PTPRD: variants seen among roughly 807,000 people sequenced by gnomAD.
PTPRD encodes protein tyrosine phosphatase receptor type D.
Under a neutral mutation model 214.5 loss-of-function variants are expected in PTPRD, and 34 were observed. That is an observed-to-expected ratio of 0.16 (90% CI 0.12 to 0.21). The LOEUF (loss-of-function observed/expected upper bound fraction) is 0.21. Ranked by LOEUF, PTPRD falls within the 10% of genes least tolerant of loss-of-function variation. The pLI is 1.00. For missense variants in PTPRD, 2,545 were observed against 2,398.7 expected (o/e 1.06, Z -1.27); for synonymous variants, 1,128 against 845.7 (o/e 1.33, Z -5.79).
intron 10 of PTPRD, among the ~76,000 whole-genome samples, chr9:9,045,554 C>T (rs540170484): frequency 1.3e-5 from 2 of 152,150 alleles, no homozygotes; most frequent in African/African-American, 4.8e-5. Flanking sequence ...GGAGCAAGAA[C>T]AGCCCATGGT....
chr9:8,465,012 T>G (rs1222899856), intron 32 of PTPRD, among the ~76,000 whole-genome samples: 1 of 151,902 alleles, frequency 6.6e-6, no homozygotes, highest in South Asian at 2.1e-4. Flanking sequence ...AAAGTCAGTA[T>G]TTTCAGAAAT....
At chr9:8,875,967 C>T (rs1425654651) in intron 11 of PTPRD, among the ~76,000 whole-genome samples, 1 of 152,160 alleles carries the variant, frequency 6.6e-6, no homozygotes, top group Non-Finnish European at 1.5e-5. Context: ...CTGAATTCAC[C>T]AATCCTGTAG....
chr9:8,457,763 T>G (rs1348950034), intron 33 of PTPRD, among the ~76,000 whole-genome samples: 1 of 152,104 alleles, frequency 6.6e-6, no homozygotes, highest in African/African-American at 2.4e-5. Context: ...AAAGCAGTAT[T>G]TGCATATGGG....
intron 9 of PTPRD, among the ~76,000 whole-genome samples, chr9:9,393,474 G>T (rs1218884935): frequency 2.0e-5 from 3 of 152,108 alleles, no homozygotes; most frequent in African/African-American, 7.2e-5. Context: ...ACATGGAAAA[G>T]AACTGAGACC....
At position 9,914,110 on chromosome 9, in the gene PTPRD, C is replaced by T. The variant is rs1294329337; in HGVS notation, c.-368+24397G>A. Reference sequence around the variant, plus strand: ...ACAGTCCTGCCTTGGGCAAACCCACCCTTGAACTAGCCAAATGCTGCACTC... The same window carrying T: ...ACAGTCCTGCCTTGGGCAAACCCACTCTTGAACTAGCCAAATGCTGCACTC... On this transcript the variant is annotated intron_variant, in intron 5 of 45. Coordinates refer to ENST00000381196, the MANE Select transcript of PTPRD (RefSeq NM_002839.4). Among the ~76,000 whole-genome samples the T allele has an allele frequency of 4.6e-5, 7 of 152,124 alleles. No homozygotes were observed. In the East Asian group the frequency reaches 1.4e-3, roughly 29 times the overall value.
intron 11 of PTPRD, among the ~76,000 whole-genome samples, chr9:8,993,325 G>C (rs2099384819): frequency 6.6e-6 from 1 of 151,914 alleles, no homozygotes; most frequent in African/African-American, 2.4e-5. Flanking sequence ...CTGTTGTTTT[G>C]GAAATTTAAA....
intron 45 of PTPRD, among the ~76,000 whole-genome samples, chr9:8,319,177 A>G (rs1053239029): frequency 2.6e-5 from 4 of 152,120 alleles, no homozygotes; most frequent in Admixed American, 2.0e-4. Flanking sequence ...ATTGAGGAAC[A>G]CATATAAGTT....
At chr9:10,077,423 T>C (rs1370072469) in intron 3 of PTPRD, among the ~76,000 whole-genome samples, 2 of 152,178 alleles carry the variant, frequency 1.3e-5, no homozygotes, top group African/African-American at 4.8e-5. Context: ...AATTTACCTC[T>C]AGAGATTCTA....
At chr9:9,170,613 A>AT (rs1264214887) in intron 10 of PTPRD, among the ~76,000 whole-genome samples, 1 of 152,210 alleles carries the variant, frequency 6.6e-6, no homozygotes, top group Non-Finnish European at 1.5e-5. Flanking sequence ...CCAAAGGCTA[A>AT]TTTTCAATGG....
intron 3 of PTPRD, among the ~76,000 whole-genome samples, chr9:10,194,610 T>C (rs151071346): frequency 1.8e-4 from 27 of 152,160 alleles, no homozygotes; most frequent in Non-Finnish European, 3.5e-4. Context: ...CCATATCACA[T>C]ATGCTAATAG....
intron 5 of PTPRD, among the ~76,000 whole-genome samples, chr9:9,776,621 C>T (rs1313246866): frequency 2.0e-5 from 3 of 152,100 alleles, no homozygotes; most frequent in Non-Finnish European, 4.4e-5. Flanking sequence ...GATCTACTCC[C>T]TTCTAGCTAA....
Position 9,275,946 on chromosome 9 carries a change from T to G in PTPRD, c.-202-92583A>C, listed in dbSNP as rs368980107. Among the ~76,000 whole-genome samples, 5 of 151,372 alleles carry G rather than the reference T, an allele frequency of 3.3e-5. No homozygotes were observed. In the East Asian group the frequency reaches 7.9e-4, roughly 24 times the overall value. ...AGCTGTGTAAACCAACCGTGCCTTA[T>G]GCTCTAGGGGAAGAAAAGAAATGGA... is the stretch of plus-strand genomic sequence containing the variant. On this transcript the variant is annotated intron_variant, in intron 9 of 45. Transcript: ENST00000381196.
chr9:8,447,793 C>G (rs1452921835), intron 34 of PTPRD, among the ~76,000 whole-genome samples: 2 of 152,058 alleles, frequency 1.3e-5, no homozygotes, highest in Non-Finnish European at 2.9e-5. Flanking sequence ...AAGGTTGGTT[C>G]CAGCACAAAT....
At chr9:10,386,227 C>T (rs2097912100) in intron 2 of PTPRD, among the ~76,000 whole-genome samples, 2 of 151,840 alleles carry the variant, frequency 1.3e-5, no homozygotes, top group Non-Finnish European at 2.9e-5. Flanking sequence ...GAACCACCAA[C>T]ACACACGTAC....
chr9:9,823,009 C>G (rs1159050699), intron 5 of PTPRD, among the ~76,000 whole-genome samples: 1 of 152,082 alleles, frequency 6.6e-6, no homozygotes, highest in African/African-American at 2.4e-5. Flanking sequence ...GAAGAGGTTT[C>G]TACACTCTCC....
intron 12 of PTPRD, among the ~76,000 whole-genome samples, chr9:8,646,174 C>T (rs1013436421): frequency 6.6e-6 from 1 of 152,102 alleles, no homozygotes. Flanking sequence ...CAACATGCAA[C>T]CAGGATTGAG....
At chr9:9,975,528 T>C (rs1313563414) in intron 4 of PTPRD, among the ~76,000 whole-genome samples, 3 of 152,336 alleles carry the variant, frequency 2.0e-5, no homozygotes, top group East Asian at 3.9e-4. Context: ...TGGAACTTAT[T>C]AGGCATTCAG....
At chr9:9,914,803 T>C (rs73643815) in intron 5 of PTPRD, among the ~76,000 whole-genome samples, 40,932 of 151,878 alleles carry the variant, frequency 0.27, 6,621 homozygotes, top group African/African-American at 0.44. Flanking sequence ...GCCCTGTGGG[T>C]CACTTGGGCA....
Position 8,518,251 on chromosome 9 carries a change from G to C in PTPRD, c.1140C>G (p.Val380=), listed in dbSNP as rs754925680. 1 of 1,614,132 alleles carries C rather than the reference G, an allele frequency of 6.2e-7. No homozygotes were observed. ...AATCCGAGTAGGGACTTAGTCCAGC[G>C]ACACTGTAGCGTGTGGTCGCCACCC... ...IDGVATTRYS[V]AGLSPYSDYE... is the part of the protein sequence containing the mutation. The change falls in exon 21 of 46, where the codon GTC becomes GTG. Residue 380 remains valine, a synonymous_variant. Transcript: ENST00000381196.
Sources: allele counts gnomAD v4.1 joint callset (sites outside exome capture counted in the v4.1 genomes callset), GRCh38; gene constraint gnomAD v4.1.1; transcripts MANE v1.5; gene names NCBI Gene and HGNC (gene_info 2026-07-23, HGNC 2026-07-21).